The following ARMC9 variants were observed in gnomAD, a reference collection of about 807,000 sequenced individuals.
ARMC9 encodes lisH domain-containing protein ARMC9.
A neutral mutation model predicts 107.0 loss-of-function variants in ARMC9; 94 were observed. The observed-to-expected ratio is 0.88, with a 90% CI of 0.74 to 1.04. The LOEUF is 1.04. Ranked by LOEUF, ARMC9 falls within the 50% of genes least tolerant of loss-of-function variation. The probability of loss-of-function intolerance (pLI) is 0.00; values close to 1 mark genes in which losing one functional copy is unlikely to be tolerated. For missense variants in ARMC9, 942 were observed against 1,030.1 expected (o/e 0.91, Z 1.17); for synonymous variants, 380 against 396.9 (o/e 0.96, Z 0.51).
intron 20 of ARMC9, among the ~76,000 whole-genome samples, chr2:231,332,900 C>T (rs1048673064): frequency 3.9e-5 from 6 of 152,150 alleles, no homozygotes; most frequent in Non-Finnish European, 7.4e-5. Context: ...GTCTTCCTCA[C>T]GGCCAGCAGG....
Position 231,357,961 on chromosome 2 carries a change from G to A in ARMC9, c.2131+2027G>A, listed in dbSNP as rs552264803. On this transcript the variant is annotated intron_variant, in intron 22 of 24. Transcript: ENST00000611582. ...AGGTGCAGTTTCCTCTGGGTCATGA[G>A]TAAGCCTTTGCCACGCTTGGAGTAG... Among the ~76,000 whole-genome samples the A allele has an allele frequency of 3.0e-4, 46 of 152,312 alleles. 1 individual carries two copies. In the South Asian group the frequency reaches 9.5e-3, roughly 32 times the overall value.
intron 8 of ARMC9, 36 bp from the exon 9 acceptor site, chr2:231,239,907 A>G (rs1386953968): frequency 1.3e-6 from 2 of 1,578,766 alleles, no homozygotes; most frequent in Middle Eastern, 1.7e-4. Flanking sequence ...AGTGAGTTTC[A>G]TGCCATCACC....
At position 231,332,769 on chromosome 2, in the gene ARMC9, G is replaced by A. The variant is rs80181268; in HGVS notation, c.1878+872G>A. ...GGGAGGAGCAATTGCCAGGAACCAG[G>A]ACCAATTCAGACTGAAACCCTGTGT... On this transcript the variant is annotated intron_variant, in intron 20 of 24. Transcript: ENST00000611582. 6.0e-3 allele frequency among the ~76,000 whole-genome samples: 918 copies of A among 152,256 alleles called. 16 individuals are homozygous for A. Among genetic ancestry groups the A allele is most frequent in the East Asian group, 0.027 (137 of 5,166 alleles).
At chr2:231,363,174 G>C (rs2045662654) in intron 23 of ARMC9, among the ~76,000 whole-genome samples, 1 of 152,260 alleles carries the variant, frequency 6.6e-6, no homozygotes, top group Admixed American at 6.5e-5. Context: ...GGGCATCTGT[G>C]CTGTGCTTCT....
intron 21 of ARMC9, among the ~76,000 whole-genome samples, chr2:231,353,777 A>G (rs917294657): frequency 1.3e-5 from 2 of 151,814 alleles, no homozygotes; most frequent in African/African-American, 4.9e-5. Context: ...TTGGTTCTCC[A>G]TTACTTGGGG....
intron 21 of ARMC9, among the ~76,000 whole-genome samples, chr2:231,353,998 C>G (rs1489973494): frequency 7.0e-6 from 1 of 143,424 alleles, no homozygotes; most frequent in East Asian, 1.9e-4. Context: ...CACACACACA[C>G]ACACACACAC....
rs561487347 is a variant in ARMC9 at position 231,245,002 on chromosome 2, C to G, written c.879+4961C>G. ...CAAGAGGAAAGAAGTGAGGTTCTGCCCTCACCTAGTTCACACCCAGGTAGC... is the reference window on the plus strand; with the variant it reads ...CAAGAGGAAAGAAGTGAGGTTCTGCGCTCACCTAGTTCACACCCAGGTAGC... On this transcript the variant is annotated intron_variant, in intron 9 of 24. Coordinates refer to ENST00000611582, the MANE Select transcript of ARMC9 (RefSeq NM_001352754.2). Among the ~76,000 whole-genome samples, 23 of 152,314 alleles carry G rather than the reference C, an allele frequency of 1.5e-4. 1 individual carries two copies. Among genetic ancestry groups the G allele is most frequent in the Admixed American group, 1.5e-3 (23 of 15,306 alleles).
chr2:231,217,567 C>CAA (rs544667326), intron 5 of ARMC9, among the ~76,000 whole-genome samples: 9 of 122,470 alleles, frequency 7.3e-5, no homozygotes, highest in Non-Finnish European at 1.1e-4. Flanking sequence ...GACCTTGTCT[C>CAA]AAAAAAAAAA....
intron 20 of ARMC9, among the ~76,000 whole-genome samples, chr2:231,342,129 G>A (rs73994573): frequency 0.021 from 3,186 of 152,280 alleles, 122 homozygotes; most frequent in African/African-American, 0.073. Context: ...GGCTCACACT[G>A]CAAGCAAGGG....
chr2:231,276,540 G>A (rs1292834807), intron 14 of ARMC9, 96 bp from the exon 15 acceptor site: 2 of 1,537,954 alleles, frequency 1.3e-6, no homozygotes, highest in African/African-American at 1.4e-5. Flanking sequence ...AAAGTGCTGG[G>A]ATTACAGGCA....
rs758864910 is a variant in ARMC9 at position 231,345,064 on chromosome 2, C to T, written c.1968C>T (p.Pro656=). The T allele has an allele frequency of 6.2e-6, 10 of 1,613,640 alleles. No individual in the cohort carries two copies. Among genetic ancestry groups the T allele is most frequent in the East Asian group, 2.2e-5 (1 of 44,870 alleles). Residue 656 remains proline, a synonymous_variant, in exon 21 of 25, where the codon CCC becomes CCT. Coordinates refer to ENST00000611582, the MANE Select transcript of ARMC9 (RefSeq NM_001352754.2). Reference sequence around the variant, plus strand: ...AGCCCCTGCAAAGGCCCGTCACCCCCGGCGGCCACAGAAACGGGTACCCAG... The same window carrying T: ...AGCCCCTGCAAAGGCCCGTCACCCCTGGCGGCCACAGAAACGGGTACCCAG... ...GDEPLQRPVT[P]GGHRNGYPVV...
In ARMC9 at chr2:231,372,675, A is replaced by T. The variant is rs2046065961; in HGVS notation, c.*1140A>T. 1 of 152,862 alleles carries T rather than the reference A, an allele frequency of 6.5e-6. No homozygotes were observed. Among genetic ancestry groups the T allele is most frequent in the Non-Finnish European group, 1.4e-5 (1 of 69,240 alleles). The allele number at this position is 152,862 out of a possible 1,614,324, so 9.5% of individuals were successfully genotyped here. A position where few individuals can be genotyped will look rare whatever the true frequency, so the allele number is the denominator to read the frequency against. On this transcript the variant is annotated 3_prime_UTR_variant, in exon 25 of 25. Transcript: ENST00000611582. ...TGGATGTTACCCAAGCTCTAAAATC[A>T]AATAAAACCCATCAGTATTTAGTGG...
intron 19 of ARMC9, among the ~76,000 whole-genome samples, chr2:231,306,016 T>G (rs1430126454): frequency 6.6e-6 from 1 of 152,238 alleles, no homozygotes; most frequent in Non-Finnish European, 1.5e-5. Flanking sequence ...CACTCCAACT[T>G]AACTGACATA....
intron 19 of ARMC9, among the ~76,000 whole-genome samples, chr2:231,299,607 C>T (rs561201760): frequency 1.3e-5 from 2 of 152,272 alleles, no homozygotes; most frequent in African/African-American, 4.8e-5. Flanking sequence ...TGCTGCTCCT[C>T]GCCCAGTCTG....
Position 231,376,558 on chromosome 2 carries a change from C to A in ARMC9, c.*5023C>A, listed in dbSNP as rs1200024232. On this transcript the variant is annotated 3_prime_UTR_variant, in exon 25 of 25. Coordinates refer to ENST00000611582, the MANE Select transcript of ARMC9 (RefSeq NM_001352754.2). ...AAATTTTGGTCAGACCGGTTGCTCT[C>A]AAACCCTGTCTCCTGATAAGATGTT... Among the ~76,000 whole-genome samples the A allele has an allele frequency of 6.6e-6, 1 of 152,176 alleles. No individual in the cohort carries two copies. The highest frequency in any genetic ancestry group is 6.5e-5 in the Admixed American group (1 of 15,280).
At position 231,216,806 on chromosome 2, in the gene ARMC9, T is replaced by C. The variant is rs1381984174; in HGVS notation, c.504+13T>C. On this transcript the variant is annotated intron_variant, in intron 5 of 24. Coordinates refer to ENST00000611582, the MANE Select transcript of ARMC9 (RefSeq NM_001352754.2). ...AGAACTCTTCCAGGTAAATGTCAGC[T>C]TTTAACTCTTGTGTCAGATCCTGGG... 1 of 1,608,672 alleles carries C rather than the reference T, an allele frequency of 6.2e-7. No homozygotes were observed. The highest frequency in any genetic ancestry group is 1.7e-5 in the Admixed American group (1 of 58,784).
chr2:231,350,836 A>G (rs966933202), intron 21 of ARMC9, among the ~76,000 whole-genome samples: 23 of 149,878 alleles, frequency 1.5e-4, no homozygotes, highest in Non-Finnish European at 3.3e-4. Context: ...AACTTTTATG[A>G]AGGGCTTGAG....
intron 20 of ARMC9, among the ~76,000 whole-genome samples, chr2:231,338,535 CTTTTT>C (rs764466867): frequency 1.0e-4 from 11 of 104,824 alleles, no homozygotes; most frequent in African/African-American, 4.3e-4. Context: ...CCCCAATTCA[CTTTTT>C]TTTTTTTTTT....
chr2:231,274,610 A>G (rs1281641728), intron 14 of ARMC9, among the ~76,000 whole-genome samples: 3 of 152,274 alleles, frequency 2.0e-5, no homozygotes, highest in Non-Finnish European at 1.5e-5. Context: ...TTATTCTCTC[A>G]TGATCACCTC....
Sources: allele counts gnomAD v4.1 joint callset (sites outside exome capture counted in the v4.1 genomes callset), GRCh38; gene constraint gnomAD v4.1.1; transcripts MANE v1.5; gene names NCBI Gene and HGNC (gene_info 2026-07-23, HGNC 2026-07-21).